Variants in TSHZ2 observed in about 807,000 individuals in gnomAD.
TSHZ2 encodes the protein teashirt zinc finger homeobox 2, also known as teashirt homolog 2.
Under a neutral mutation model 74.4 loss-of-function variants are expected in TSHZ2, and 21 were observed. The observed-to-expected ratio is 0.28, with a 90% CI of 0.20 to 0.41. The LOEUF is 0.41. TSHZ2 is among the 10% of genes least tolerant of loss of function. The probability of loss-of-function intolerance (pLI) is 1.00; values close to 1 mark genes in which losing one functional copy is unlikely to be tolerated. For missense variants in TSHZ2, 1,244 were observed against 1,293.5 expected (o/e 0.96, Z 0.59); for synonymous variants, 540 against 515.3 (o/e 1.05, Z -0.65).
chr20:53,422,485 G>A lies in TSHZ2; in HGVS notation c.*9-64659G>A, dbSNP rs373213313. On this transcript the variant is annotated intron_variant, in intron 2 of 2. Transcript: ENST00000371497. ...AGGAAAAACTCACAGCAATTTATAC[G>A]TTCTCAACACCTTCTCAAGAAGAAG... 6.5e-4 allele frequency among the ~76,000 whole-genome samples: 99 copies of A among 152,178 alleles called. 3 individuals carry two copies. The highest frequency in any genetic ancestry group is 2.7e-3 in the East Asian group (14 of 5,180).
chr20:53,276,466 T>C (rs187537765), intron 2 of TSHZ2, among the ~76,000 whole-genome samples: 215 of 152,296 alleles, frequency 1.4e-3, no homozygotes, highest in African/African-American at 4.9e-3. Context: ...TGAGGAACCA[T>C]GGTCAGGCTG....
chr20:52,976,879 C>A (rs1981359307), intron 1 of TSHZ2, among the ~76,000 whole-genome samples: 1 of 152,120 alleles, frequency 6.6e-6, no homozygotes. Flanking sequence ...TTCTGATCAC[C>A]CAGATCTGAA....
chr20:53,150,724 G>A (rs1444345442), intron 1 of TSHZ2, among the ~76,000 whole-genome samples: 1 of 151,570 alleles, frequency 6.6e-6, no homozygotes, highest in East Asian at 1.9e-4. Context: ...AGGAGGAAAA[G>A]AAAAAGAAGG....
At chr20:53,106,197 C>T (rs1351010890) in intron 1 of TSHZ2, among the ~76,000 whole-genome samples, 1 of 151,988 alleles carries the variant, frequency 6.6e-6, no homozygotes, top group Non-Finnish European at 1.5e-5. Context: ...TTTCTCCTAT[C>T]TAACTGTAAT....
intron 2 of TSHZ2, among the ~76,000 whole-genome samples, chr20:53,275,358 A>G (rs1204939318): frequency 1.3e-5 from 2 of 152,134 alleles, no homozygotes; most frequent in Non-Finnish European, 2.9e-5. Context: ...TATGTTGAAT[A>G]TTATGAGCCA....
intron 2 of TSHZ2, among the ~76,000 whole-genome samples, chr20:53,291,799 C>T (rs1303428033): frequency 6.6e-6 from 1 of 150,906 alleles, no homozygotes; most frequent in Non-Finnish European, 1.5e-5. Context: ...CCTGCCTCCT[C>T]ACAGCACACT....
chr20:53,472,315 G>A (rs6022507), intron 2 of TSHZ2, among the ~76,000 whole-genome samples: 42,883 of 152,102 alleles, frequency 0.28, 6,364 homozygotes, highest in East Asian at 0.46. Context: ...TACAGTTCGG[G>A]AGGATTTCAT....
At chr20:53,243,822 CTT>C (rs5841936) in intron 1 of TSHZ2, among the ~76,000 whole-genome samples, 5 of 145,700 alleles carry the variant, frequency 3.4e-5, no homozygotes, top group Non-Finnish European at 7.5e-5. Flanking sequence ...TGCTTGCTTG[CTT>C]TTTTTTTTTT....
chr20:53,458,431 C>G (rs1462652102), intron 2 of TSHZ2, among the ~76,000 whole-genome samples: 4 of 152,122 alleles, frequency 2.6e-5, no homozygotes, highest in Admixed American at 1.3e-4. Context: ...TTTATTACAT[C>G]TATTTGATTC....
At chr20:53,129,395 G>A (rs1987038908) in intron 1 of TSHZ2, among the ~76,000 whole-genome samples, 1 of 152,002 alleles carries the variant, frequency 6.6e-6, no homozygotes, top group South Asian at 2.1e-4. Flanking sequence ...TCATCACCTA[G>A]CATTAAAAAT....
chr20:53,216,473 A>G, intron 1 of TSHZ2, among the ~76,000 whole-genome samples: 1 of 152,226 alleles, frequency 6.6e-6, no homozygotes, highest in Non-Finnish European at 1.5e-5. Flanking sequence ...GTGAACCCCT[A>G]GCTAGGATAT....
At chr20:53,073,757 T>A (rs1300804588) in intron 1 of TSHZ2, among the ~76,000 whole-genome samples, 1 of 151,784 alleles carries the variant, frequency 6.6e-6, no homozygotes, top group Non-Finnish European at 1.5e-5. Context: ...TTCCGTCAAG[T>A]TAAAAAAAAA....
intron 2 of TSHZ2, among the ~76,000 whole-genome samples, chr20:53,410,484 G>A (rs180767378): frequency 1.3e-5 from 2 of 152,106 alleles, no homozygotes; most frequent in East Asian, 1.9e-4. Flanking sequence ...TGGAGGAGGA[G>A]GCATAGCATT....
intron 2 of TSHZ2, among the ~76,000 whole-genome samples, chr20:53,472,036 G>A (rs772897785): frequency 7.2e-5 from 11 of 152,062 alleles, no homozygotes; most frequent in Non-Finnish European, 2.9e-5. Flanking sequence ...AACTCCCGAT[G>A]TCAGGTGATC....
intron 2 of TSHZ2, among the ~76,000 whole-genome samples, chr20:53,396,843 C>A (rs1446891026): frequency 2.3e-5 from 3 of 132,010 alleles, no homozygotes; most frequent in East Asian, 4.6e-4. Flanking sequence ...CACAGCAATA[C>A]CCTGAAAAAA....
intron 1 of TSHZ2, among the ~76,000 whole-genome samples, chr20:53,167,020 G>A (rs1166971327): frequency 6.6e-6 from 1 of 152,226 alleles, no homozygotes; most frequent in Non-Finnish European, 1.5e-5. Context: ...GCTGTGACCA[G>A]AAGGCTGAGT....
At chr20:53,482,239 C>T (rs1986172719) in intron 2 of TSHZ2, among the ~76,000 whole-genome samples, 1 of 151,324 alleles carries the variant, frequency 6.6e-6, no homozygotes, top group Admixed American at 6.6e-5. Flanking sequence ...GTATAAGAAG[C>T]AGTGGTTGAA....
intron 1 of TSHZ2, among the ~76,000 whole-genome samples, chr20:52,975,518 TGG>T (rs767073758): frequency 3.7e-3 from 520 of 141,956 alleles, no homozygotes; most frequent in Non-Finnish European, 5.9e-3. Context: ...TGTGGGTGTG[TGG>T]GGGTGTGTGT....
At chr20:53,007,737 C>CGTGTGT (rs35218931) in intron 1 of TSHZ2, among the ~76,000 whole-genome samples, 154 of 148,084 alleles carry the variant, frequency 1.0e-3, no homozygotes, top group African/African-American at 3.1e-3. Context: ...TATGTATATT[C>CGTGTGT]GTGTGTGTGT....
Sources: gnomAD v4.1 joint callset for allele counts (sites outside exome capture counted in the v4.1 genomes callset) on GRCh38, gnomAD v4.1.1 for gene constraint, MANE v1.5 for transcripts, NCBI Gene and HGNC (gene_info 2026-07-23, HGNC 2026-07-21) for gene names.